Variants in GIGYF2 observed in about 807,000 individuals in gnomAD.
The protein encoded by GIGYF2 is GRB10 interacting GYF protein 2.
Under a neutral mutation model 208.1 loss-of-function variants are expected in GIGYF2, and 25 were observed. The observed-to-expected ratio is 0.12, with a 90% CI of 0.09 to 0.17. GIGYF2 has a LOEUF of 0.17. Ranked by LOEUF, GIGYF2 falls within the 10% of genes least tolerant of loss-of-function variation. The pLI is 1.00. For synonymous variants in GIGYF2, 534 were observed against 543.8 expected (o/e 0.98, Z 0.25); for missense variants, 1,302 against 1,579.4 (o/e 0.82, Z 2.98).
chr2:232,815,486 A>G (rs1700879699), intron 18 of GIGYF2, 151 bp from the exon 19 acceptor site: 1 of 689,922 alleles, frequency 1.4e-6, no homozygotes, highest in African/African-American at 1.8e-5. Flanking sequence ...ACTAGAGTCC[A>G]TTGGCAGTTC....
chr2:232,855,573 G>T (rs4973055), intron 28 of GIGYF2, among the ~76,000 whole-genome samples: 97,910 of 152,006 alleles, frequency 0.64, 31,890 homozygotes, highest in Admixed American at 0.69. Flanking sequence ...AATATGCGAG[G>T]ACTCTAAGGA....
intron 2 of GIGYF2, among the ~76,000 whole-genome samples, chr2:232,734,001 TAA>T (rs1480415590): frequency 6.6e-6 from 1 of 152,042 alleles, no homozygotes; most frequent in Non-Finnish European, 1.5e-5. Flanking sequence ...TCTCATATCT[TAA>T]GATTACTTTT....
intron 2 of GIGYF2, among the ~76,000 whole-genome samples, chr2:232,728,996 C>T (rs1697333370): frequency 6.6e-6 from 1 of 151,608 alleles, no homozygotes; most frequent in Non-Finnish European, 1.5e-5. Context: ...TTTTCATTTT[C>T]CTTACTGGGT....
chr2:232,856,239 C>A lies in GIGYF2; in HGVS notation c.3833-554C>A, dbSNP rs534301336. On this transcript the variant is annotated intron_variant, in intron 28 of 28. Coordinates refer to ENST00000373563, the MANE Select transcript of GIGYF2 (RefSeq NM_001103146.3). Reference sequence around the variant, plus strand: ...GAGCCACCACACCCGGCCTGCAGTTCTTTTTAATTGGTGATGCTATTTTGT... The same window carrying A: ...GAGCCACCACACCCGGCCTGCAGTTATTTTTAATTGGTGATGCTATTTTGT... 5.3e-4 allele frequency among the ~76,000 whole-genome samples: 80 copies of A among 152,220 alleles called. 1 individual carries two copies. Among genetic ancestry groups the A allele is most frequent in the African/African-American group, 1.9e-3 (78 of 41,562 alleles).
intron 22 of GIGYF2, among the ~76,000 whole-genome samples, chr2:232,838,102 C>T (rs1431194382): frequency 2.0e-5 from 3 of 151,874 alleles, no homozygotes; most frequent in African/African-American, 4.8e-5. Flanking sequence ...ATATTATTTC[C>T]GATGTACAAA....
chr2:232,831,340 G>C (rs1399827103), intron 21 of GIGYF2, among the ~76,000 whole-genome samples: 1 of 152,134 alleles, frequency 6.6e-6, no homozygotes, highest in Non-Finnish European at 1.5e-5. Context: ...AATTCTGTTA[G>C]ACATAGATAG....
At chr2:232,848,111 G>A (rs1015355818) in intron 27 of GIGYF2, among the ~76,000 whole-genome samples, 2 of 152,170 alleles carry the variant, frequency 1.3e-5, no homozygotes, top group African/African-American at 4.8e-5. Flanking sequence ...TAAACTTCTA[G>A]TCACAATATT....
At chr2:232,842,018 T>G (rs1474394610) in intron 23 of GIGYF2, among the ~76,000 whole-genome samples, 1 of 152,112 alleles carries the variant, frequency 6.6e-6, no homozygotes, top group Non-Finnish European at 1.5e-5. Context: ...AAAATTTTTT[T>G]TTTTTTGAGA....
At chr2:232,823,224 T>C (rs1484561873) in intron 21 of GIGYF2, among the ~76,000 whole-genome samples, 3 of 152,190 alleles carry the variant, frequency 2.0e-5, no homozygotes, top group Non-Finnish European at 4.4e-5. Context: ...CCCTACTTGA[T>C]ACATATGTTA....
rs2106379946 is a variant in GIGYF2, at chr2:232,806,305, CTTTA to C, written c.1640-181_1640-178del. 6.6e-6 allele frequency among the ~76,000 whole-genome samples: 1 copy of C among 152,286 alleles called. No individual in the cohort carries two copies. The highest frequency in any genetic ancestry group is 6.5e-5 in the Admixed American group (1 of 15,288). On this transcript the variant is annotated intron_variant, in intron 14 of 28. Coordinates refer to ENST00000373563, the MANE Select transcript of GIGYF2 (RefSeq NM_001103146.3). The surrounding 1 kb of genome is among the most constrained non-coding windows in gnomAD (Gnocchi z 4.0). ...ATAATTTGGGATGTATAAACACAGA[CTTTA>C]TTTAAAAATTATTTTAGTAGTTAGA... is the stretch of plus-strand genomic sequence containing the variant.
At chr2:232,728,896 A>C (rs2106285499) in intron 2 of GIGYF2, among the ~76,000 whole-genome samples, 1 of 151,918 alleles carries the variant, frequency 6.6e-6, no homozygotes, top group East Asian at 1.9e-4. Flanking sequence ...GTCTGGTTCA[A>C]ATCCTGAATT....
chr2:232,831,537 G>A (rs764739929), intron 21 of GIGYF2, among the ~76,000 whole-genome samples: 5 of 152,148 alleles, frequency 3.3e-5, no homozygotes, highest in Admixed American at 1.3e-4. Flanking sequence ...AGAAGTAAGC[G>A]CCATCATTAG....
rs1412939235 is a variant in GIGYF2, at chr2:232,860,418, GTA to G, written c.*3562_*3563del. ...TATATATACAAATATGTATATAAAA[GTA>G]TATGTTTTACATTTTCAATATATAT... On this transcript the variant is annotated 3_prime_UTR_variant, in exon 29 of 29. Transcript: ENST00000373563. The G allele has an allele frequency of 1.3e-5, 2 of 148,994 alleles. No homozygotes were observed. Among genetic ancestry groups the G allele is most frequent in the African/African-American group, 2.4e-5 (1 of 40,824 alleles). 9.2% of individuals were successfully genotyped at this position (148,994 alleles called of 1,614,324 possible).
intron 23 of GIGYF2, 33 bp downstream of exon 23, chr2:232,840,004 G>A (rs1421899647): frequency 6.2e-7 from 1 of 1,607,254 alleles, no homozygotes; most frequent in Non-Finnish European, 8.5e-7. Flanking sequence ...ATCTAGTCAA[G>A]CGATGTTCCA....
At chr2:232,761,711 T>A (rs1698745610) in intron 8 of GIGYF2, 1 of 286,826 alleles carries the variant, frequency 3.5e-6, no homozygotes, top group African/African-American at 2.2e-5. Context: ...CTTTTTCTAG[T>A]GTAGATAGCA....
intron 8 of GIGYF2, among the ~76,000 whole-genome samples, chr2:232,763,112 T>A (rs1698814470): frequency 6.6e-6 from 1 of 152,190 alleles, no homozygotes; most frequent in South Asian, 2.1e-4. Flanking sequence ...TGTAGACTGT[T>A]GGATTAACAT....
intron 8 of GIGYF2, among the ~76,000 whole-genome samples, chr2:232,781,865 A>T (rs190399628): frequency 2.5e-4 from 38 of 152,312 alleles, no homozygotes; most frequent in African/African-American, 8.9e-4. Context: ...TCTGTTTCTG[A>T]TTTGATTATG....
chr2:232,797,172 A>C (rs1700247472), intron 14 of GIGYF2, among the ~76,000 whole-genome samples: 1 of 151,936 alleles, frequency 6.6e-6, no homozygotes, highest in Non-Finnish European at 1.5e-5. Flanking sequence ...TGAATCCCTT[A>C]GAAGATTTGT....
At position 232,761,444 on chromosome 2, in the gene GIGYF2, T is replaced by C. The variant is rs1698737754; in HGVS notation, c.532+8T>C. Reference sequence around the variant, plus strand: ...CAGGACGAAAAGATGTAGGTAAGGTTCTTACCTACACACATAAGGATAAAT... The same window carrying C: ...CAGGACGAAAAGATGTAGGTAAGGTCCTTACCTACACACATAAGGATAAAT... On this transcript the variant is annotated splice_region_variant and intron_variant, in intron 8 of 28. Transcript: ENST00000373563. 11 of 1,529,438 alleles carry C rather than the reference T, an allele frequency of 7.2e-6. No homozygotes were observed. Among genetic ancestry groups the C allele is most frequent in the African/African-American group, 1.4e-5 (1 of 72,982 alleles). The allele number at this position is 1,529,438 out of a possible 1,614,324, so 94.7% of individuals were successfully genotyped here.
Sources: gnomAD v4.1 joint callset for allele counts (sites outside exome capture counted in the v4.1 genomes callset) on GRCh38, gnomAD v4.1.1 for gene constraint, Gnocchi (gnomAD v3.1) non-coding constraint, MANE v1.5 for transcripts, NCBI Gene and HGNC (gene_info 2026-07-23, HGNC 2026-07-21) for gene names.